The following IKZF1 variants were observed in gnomAD, a reference collection of about 807,000 sequenced individuals.
The protein encoded by IKZF1 is IKAROS family zinc finger 1, also known as DNA-binding protein Ikaros.
Under a neutral mutation model 51.7 loss-of-function variants are expected in IKZF1, and 10 were observed. The ratio of observed to expected loss-of-function variants is 0.19; its 90% CI spans 0.12 to 0.33. The LOEUF is 0.33. Among genes scored for constraint, IKZF1 ranks in the 10% least tolerant of loss-of-function variants. The probability of loss-of-function intolerance (pLI) is 1.00; values close to 1 mark genes in which losing one functional copy is unlikely to be tolerated. For synonymous variants in IKZF1, 280 were observed against 282.3 expected, an observed-to-expected ratio of 0.99 and a Z score of 0.08; for missense variants, 484 against 707.5, an observed-to-expected ratio of 0.68 and a Z score of 3.58.
At chr7:50,343,334 A>G (rs1157494986) in intron 3 of IKZF1, among the ~76,000 whole-genome samples, 1 of 149,088 alleles carries the variant, frequency 6.7e-6, no homozygotes, top group Non-Finnish European at 1.5e-5. Context: ...GTACCATTTC[A>G]TCAAGATTCT....
intron 2 of IKZF1, among the ~76,000 whole-genome samples, chr7:50,325,598 C>A (rs1232986144): frequency 6.6e-6 from 1 of 152,036 alleles, no homozygotes; most frequent in East Asian, 1.9e-4. Context: ...ACGGTGAAAC[C>A]CTGTCTCTAC....
At chr7:50,308,339 C>T (rs564324216) in intron 1 of IKZF1, among the ~76,000 whole-genome samples, 2 of 152,306 alleles carry the variant, frequency 1.3e-5, no homozygotes, top group African/African-American at 4.8e-5. Flanking sequence ...ACGTTTTTCC[C>T]TCTCATGTTT....
chr7:50,323,032 A>G (rs1198687833), intron 2 of IKZF1, among the ~76,000 whole-genome samples: 1 of 152,220 alleles, frequency 6.6e-6, no homozygotes, highest in Non-Finnish European at 1.5e-5. Context: ...CTTTAGATAT[A>G]TATAATCTGC....
chr7:50,347,068 G>C (rs1181774021), intron 3 of IKZF1, among the ~76,000 whole-genome samples: 1 of 152,172 alleles, frequency 6.6e-6, no homozygotes. Flanking sequence ...GGAAGGGTAG[G>C]ATCTGGCAAT....
At chr7:50,328,000 T>G (rs1562751153) in intron 3 of IKZF1, 4 of 477,496 alleles carry the variant, frequency 8.4e-6, no homozygotes, top group South Asian at 2.9e-5. Flanking sequence ...TGAGGAGCAA[T>G]CCTGCCCAGG....
chr7:50,347,927 G>A (rs556763163), intron 3 of IKZF1, among the ~76,000 whole-genome samples: 2 of 152,332 alleles, frequency 1.3e-5, no homozygotes, highest in Admixed American at 1.3e-4. Context: ...GAACCAAGCT[G>A]TGCTGCAGAT....
intron 2 of IKZF1, among the ~76,000 whole-genome samples, chr7:50,319,508 A>G (rs748512143): frequency 6.6e-6 from 1 of 152,182 alleles, no homozygotes; most frequent in Non-Finnish European, 1.5e-5. Flanking sequence ...TGGACACAAC[A>G]TTGCTCCCCT....
intron 3 of IKZF1, among the ~76,000 whole-genome samples, chr7:50,375,365 C>A (rs1258984489): frequency 1.3e-5 from 2 of 152,086 alleles, no homozygotes; most frequent in African/African-American, 4.8e-5. Flanking sequence ...CAGAGCAAGA[C>A]CCTGTCTCAA....
At chr7:50,371,419 C>T (rs763353160) in intron 3 of IKZF1, among the ~76,000 whole-genome samples, 2 of 152,250 alleles carry the variant, frequency 1.3e-5, no homozygotes, top group African/African-American at 4.8e-5. Context: ...AACAGGCCAA[C>T]ACCCACTTGT....
At chr7:50,374,850 G>A (rs889017276) in intron 3 of IKZF1, among the ~76,000 whole-genome samples, 2 of 152,122 alleles carry the variant, frequency 1.3e-5, no homozygotes, top group East Asian at 3.9e-4. Flanking sequence ...TCAGTGTCTG[G>A]ACTGTAGATC....
rs114490849 is a variant in IKZF1 at position 50,369,793 on chromosome 7, C to T, written c.161-6740C>T. The T allele has an allele frequency of 6.1e-3, 2,345 of 384,382 alleles. 54 individuals carry two copies. Among genetic ancestry groups the T allele is most frequent in the African/African-American group, 0.045 (2,168 of 48,398 alleles). 23.8% of individuals were successfully genotyped at this position (384,382 alleles called of 1,614,324 possible). A position where few individuals can be genotyped will look rare whatever the true frequency, so the allele number is the denominator to read the frequency against. ...TTTTTTTATTCTCTTTATCTGTTTACTCTTCTGCCTTTCTTTTCTCTCCCT... is the reference window on the plus strand; with the variant it reads ...TTTTTTTATTCTCTTTATCTGTTTATTCTTCTGCCTTTCTTTTCTCTCCCT... On this transcript the variant is annotated intron_variant, in intron 3 of 7. Transcript: ENST00000331340.
At chr7:50,353,543 A>G (rs556007039) in intron 3 of IKZF1, among the ~76,000 whole-genome samples, 65 of 152,330 alleles carry the variant, frequency 4.3e-4, no homozygotes, top group Non-Finnish European at 7.5e-4. Flanking sequence ...AGGGCTAACC[A>G]TCCAGGCTAA....
At chr7:50,355,957 G>T (rs1458628437) in intron 3 of IKZF1, among the ~76,000 whole-genome samples, 2 of 152,208 alleles carry the variant, frequency 1.3e-5, no homozygotes, top group African/African-American at 4.8e-5. Context: ...TCCTTCAGTG[G>T]GGATGTCTTT....
chr7:50,351,127 C>T (rs1329739052), intron 3 of IKZF1, among the ~76,000 whole-genome samples: 1 of 152,188 alleles, frequency 6.6e-6, no homozygotes, highest in Non-Finnish European at 1.5e-5. Context: ...ACATTTACCA[C>T]ATCTCAATTG....
Position 50,402,760 on chromosome 7 carries a change from T to C in IKZF1, c.*2133T>C, listed in dbSNP as rs1818362314. ...AAGATACCATTCTTGAGTCATGGAT[T>C]TCTCTGCTCACAGAAGGGTGTGGCA... On this transcript the variant is annotated 3_prime_UTR_variant, in exon 8 of 8. Coordinates refer to ENST00000331340, the MANE Select transcript of IKZF1 (RefSeq NM_006060.6). 1.3e-5 allele frequency: 3 copies of C among 230,166 alleles called. No homozygotes were observed. In the South Asian group the frequency reaches 5.5e-4, roughly 42 times the overall value. The allele number at this position is 230,166 out of a possible 1,614,324, so 14.3% of individuals were successfully genotyped here. A position where few individuals can be genotyped will look rare whatever the true frequency, so the allele number is the denominator to read the frequency against.
At chr7:50,365,066 C>T (rs1806458669) in intron 3 of IKZF1, among the ~76,000 whole-genome samples, 1 of 152,214 alleles carries the variant, frequency 6.6e-6, no homozygotes, top group Admixed American at 6.5e-5. Flanking sequence ...GTACCTTACA[C>T]ATCTTCCAGT....
At chr7:50,335,210 G>A (rs1216996649) in intron 3 of IKZF1, among the ~76,000 whole-genome samples, 1 of 148,894 alleles carries the variant, frequency 6.7e-6, no homozygotes, top group African/African-American at 2.5e-5. Flanking sequence ...ATATGTATAT[G>A]GGATGTATGG....
intron 1 of IKZF1, among the ~76,000 whole-genome samples, chr7:50,316,002 G>A (rs1434090165): frequency 2.0e-5 from 3 of 152,158 alleles, no homozygotes; most frequent in African/African-American, 4.8e-5. Context: ...TCTTGGAAGA[G>A]GCCACATTTC....
At chr7:50,342,464 G>A (rs1016980082) in intron 3 of IKZF1, among the ~76,000 whole-genome samples, 79 of 152,302 alleles carry the variant, frequency 5.2e-4, no homozygotes, top group African/African-American at 1.8e-3. Context: ...TTATAGACAT[G>A]AGGCAGGTTC....
Sources: gnomAD v4.1 joint callset for allele counts (sites outside exome capture counted in the v4.1 genomes callset) on GRCh38, gnomAD v4.1.1 for gene constraint, MANE v1.5 for transcripts, NCBI Gene and HGNC (gene_info 2026-07-23, HGNC 2026-07-21) for gene names.